INPP4B: variants seen among roughly 807,000 people sequenced by gnomAD.
INPP4B encodes inositol polyphosphate-4-phosphatase type II B.
In INPP4B, 55 loss-of-function variants were observed where a neutral mutation model predicts 122.5. The ratio of observed to expected loss-of-function variants is 0.45; its 90% CI spans 0.36 to 0.56. The LOEUF (loss-of-function observed/expected upper bound fraction) is 0.56, where lower values mean the gene tolerates loss of function less well. INPP4B is among the 20% of genes least tolerant of loss of function. The pLI is 0.00. For missense variants in INPP4B, 1,000 were observed against 1,097.7 expected (o/e 0.91, Z 1.26); for synonymous variants, 403 against 388.7 (o/e 1.04, Z -0.43).
intron 1 of INPP4B, among the ~76,000 whole-genome samples, chr4:142,730,202 G>T (rs1198552250): frequency 6.6e-6 from 1 of 152,110 alleles, no homozygotes; most frequent in Non-Finnish European, 1.5e-5. Context: ...TCCCACTAGG[G>T]AATTTCTACA....
At chr4:142,647,906 T>C (rs920086134) in intron 2 of INPP4B, among the ~76,000 whole-genome samples, 1 of 152,252 alleles carries the variant, frequency 6.6e-6, no homozygotes, top group Non-Finnish European at 1.5e-5. Context: ...TTTTCCACCG[T>C]TTGTAGTAAG....
Position 142,182,571 on chromosome 4 carries a change from AAG to A in INPP4B, c.1182-8764_1182-8763del, listed in dbSNP as rs1831381887. Among the ~76,000 whole-genome samples, 20 of 146,078 alleles carry A rather than the reference AAG, an allele frequency of 1.4e-4. 1 individual carries two copies. The highest frequency in any genetic ancestry group is 2.2e-4 in the South Asian group (1 of 4,580). On this transcript the variant is annotated intron_variant, in intron 15 of 25. Transcript: ENST00000262992. ...CAAAAAAAAAAAAACAAACAAAAAA[AAG>A]ATTCTTAATGTGAAAAACAGCACGG...
At chr4:142,299,900 T>A (rs1321109161) in intron 9 of INPP4B, among the ~76,000 whole-genome samples, 1 of 152,058 alleles carries the variant, frequency 6.6e-6, no homozygotes, top group African/African-American at 2.4e-5. Flanking sequence ...TTTAAAGTCA[T>A]CTCTGAAGTT....
At chr4:142,422,581 A>G (rs193232454) in intron 5 of INPP4B, among the ~76,000 whole-genome samples, 125 of 152,064 alleles carry the variant, frequency 8.2e-4, no homozygotes, top group Non-Finnish European at 1.6e-3. Context: ...GAGGTGGTAG[A>G]TTCACTGGAG....
intron 2 of INPP4B, among the ~76,000 whole-genome samples, chr4:142,514,755 A>T (rs989189873): frequency 6.7e-6 from 1 of 149,448 alleles, no homozygotes; most frequent in Non-Finnish European, 1.5e-5. Flanking sequence ...TGAGAAAGAG[A>T]GGTATACACT....
intron 2 of INPP4B, among the ~76,000 whole-genome samples, chr4:142,480,624 G>T (rs533213380): frequency 3.3e-5 from 5 of 152,126 alleles, no homozygotes; most frequent in Non-Finnish European, 7.3e-5. Flanking sequence ...GGCTCAATGG[G>T]TCCAAGGCAG....
intron 2 of INPP4B, among the ~76,000 whole-genome samples, chr4:142,525,150 A>T (rs1826717652): frequency 1.3e-5 from 2 of 151,150 alleles, no homozygotes; most frequent in South Asian, 2.1e-4. Flanking sequence ...TGCTTCAAAG[A>T]GAATAAAATA....
intron 7 of INPP4B, among the ~76,000 whole-genome samples, chr4:142,334,371 C>G (rs965954476): frequency 2.6e-5 from 4 of 152,144 alleles, no homozygotes; most frequent in African/African-American, 9.7e-5. Flanking sequence ...GATTGTTTCC[C>G]TGTCTTGGGT....
chr4:142,152,061 CTTT>C (rs1288715777), intron 17 of INPP4B, among the ~76,000 whole-genome samples: 6 of 98,956 alleles, frequency 6.1e-5, no homozygotes, highest in African/African-American at 2.8e-4. Flanking sequence ...GCTTTTTTGT[CTTT>C]TCTTTTTTTT....
rs547079377 is a variant in INPP4B, at chr4:142,191,637, A to G, written c.1181+1450T>C. Among the ~76,000 whole-genome samples the G allele has an allele frequency of 2.0e-5, 3 of 152,282 alleles. No individual in the cohort carries two copies. In the South Asian group the frequency reaches 6.2e-4, roughly 32 times the overall value. On this transcript the variant is annotated intron_variant, in intron 15 of 25. Coordinates refer to ENST00000262992, the MANE Select transcript of INPP4B (RefSeq NM_001101669.3). The stretch of plus-strand genomic sequence containing the variant: ...ACTTTGGCTTCCACTCCCCATTGCA[A>G]TAATATTTGTGAGAAGGGTGTGAAT...
chr4:142,135,202 G>A (rs1001057830), intron 18 of INPP4B, among the ~76,000 whole-genome samples: 8 of 152,196 alleles, frequency 5.3e-5, no homozygotes, highest in African/African-American at 1.4e-4. Context: ...TATTTGCTAC[G>A]AATTATGTTA....
intron 12 of INPP4B, among the ~76,000 whole-genome samples, chr4:142,211,732 G>C (rs1021548186): frequency 2.0e-5 from 3 of 152,188 alleles, no homozygotes; most frequent in Non-Finnish European, 4.4e-5. Flanking sequence ...CATCGATAAA[G>C]AGTCATCCTA....
chr4:142,595,385 T>G (rs2150268977), intron 2 of INPP4B, among the ~76,000 whole-genome samples: 1 of 152,222 alleles, frequency 6.6e-6, no homozygotes, highest in East Asian at 1.9e-4. Context: ...ATGGTGGAAT[T>G]TTTAAAATTT....
intron 2 of INPP4B, among the ~76,000 whole-genome samples, chr4:142,665,349 C>G: frequency 6.6e-6 from 1 of 151,854 alleles, no homozygotes; most frequent in Non-Finnish European, 1.5e-5. Flanking sequence ...ACAAAATTAA[C>G]CGGGCGTGGT....
chr4:142,070,049 A>G (rs36154559), intron 25 of INPP4B, among the ~76,000 whole-genome samples: 1 of 152,174 alleles, frequency 6.6e-6, no homozygotes, highest in Non-Finnish European at 1.5e-5. Context: ...AGAATTTTAG[A>G]CCAATATCCC....
intron 16 of INPP4B, among the ~76,000 whole-genome samples, chr4:142,160,828 C>A (rs1030510175): frequency 6.6e-6 from 1 of 152,002 alleles, no homozygotes; most frequent in Admixed American, 6.6e-5. Context: ...AACCTTCTCC[C>A]TTTTAGTTTC....
chr4:142,604,642 C>T (rs1740821127), intron 2 of INPP4B, among the ~76,000 whole-genome samples: 1 of 151,830 alleles, frequency 6.6e-6, no homozygotes, highest in Admixed American at 6.6e-5. Flanking sequence ...CAAAAAAATA[C>T]TTGAAAATAA....
At chr4:142,571,765 G>A (rs1484144889) in intron 2 of INPP4B, among the ~76,000 whole-genome samples, 1 of 152,018 alleles carries the variant, frequency 6.6e-6, no homozygotes, top group African/African-American at 2.4e-5. Flanking sequence ...GAGTCAATTT[G>A]AATAAGATTA....
intron 25 of INPP4B, among the ~76,000 whole-genome samples, chr4:142,062,025 G>T (rs947156626): frequency 3.3e-5 from 5 of 151,386 alleles, no homozygotes; most frequent in Non-Finnish European, 5.9e-5. Flanking sequence ...TACTTTATTT[G>T]GATCACAAGT....
Sources: allele counts gnomAD v4.1 joint callset (sites outside exome capture counted in the v4.1 genomes callset), GRCh38; gene constraint gnomAD v4.1.1; transcripts MANE v1.5; gene names NCBI Gene and HGNC (gene_info 2026-07-23, HGNC 2026-07-21).